RARB: variants seen among roughly 807,000 people sequenced by gnomAD.
The protein encoded by RARB is HBV-activated protein.
Under a neutral mutation model 51.9 loss-of-function variants are expected in RARB, and 17 were observed. That is an observed-to-expected ratio of 0.33 (90% CI 0.22 to 0.49). The LOEUF is 0.49. Among genes scored for constraint, RARB ranks in the 20% least tolerant of loss-of-function variants. The pLI, the probability that RARB is intolerant of heterozygous loss-of-function variation, is 0.99. For synonymous variants in RARB, 215 were observed against 195.4 expected, an observed-to-expected ratio of 1.10 and a Z score of -0.84; for missense variants, 369 against 550.8, an observed-to-expected ratio of 0.67 and a Z score of 3.30.
intron 5 of RARB, among the ~76,000 whole-genome samples, chr3:25,263,513 A>G (rs1376586808): frequency 2.0e-5 from 3 of 152,206 alleles, no homozygotes; most frequent in African/African-American, 7.2e-5. Context: ...ATGAAACTCA[A>G]TAGTCTTTAG....
chr3:25,267,086 T>C (rs777191815), intron 5 of RARB, among the ~76,000 whole-genome samples: 3 of 152,180 alleles, frequency 2.0e-5, no homozygotes, highest in Non-Finnish European at 4.4e-5. Flanking sequence ...GGCATAAATA[T>C]GTAAGAAAAC....
intron 5 of RARB, among the ~76,000 whole-genome samples, chr3:25,181,004 A>G (rs1700849430): frequency 6.6e-6 from 1 of 152,182 alleles, no homozygotes; most frequent in South Asian, 2.1e-4. Context: ...GGTAAGATCC[A>G]GGTAACCAAC....
At chr3:25,212,218 G>A (rs1302864139) in intron 5 of RARB, among the ~76,000 whole-genome samples, 4 of 152,132 alleles carry the variant, frequency 2.6e-5, no homozygotes, top group East Asian at 3.8e-4. Context: ...AAATGAAAAT[G>A]TACCTAAGTA....
chr3:25,238,233 A>G (rs1702350199), intron 5 of RARB, among the ~76,000 whole-genome samples: 1 of 151,992 alleles, frequency 6.6e-6, no homozygotes, highest in South Asian at 2.1e-4. Flanking sequence ...TAGTTCCTAC[A>G]TATGAATGAA....
At chr3:24,907,917 T>C (rs1286239822) in intron 2 of RARB, among the ~76,000 whole-genome samples, 3 of 152,064 alleles carry the variant, frequency 2.0e-5, no homozygotes, top group African/African-American at 4.8e-5. Context: ...ACGGGTCTCT[T>C]AGGGACAAGT....
At chr3:24,941,211 ATAGTGATTAT>A (rs113280993) in intron 2 of RARB, among the ~76,000 whole-genome samples, 12,995 of 152,136 alleles carry the variant, frequency 0.085, 798 homozygotes, top group East Asian at 0.18. Context: ...TCAGAAAACT[ATAGTGATTAT>A]TAGGGAAATG....
chr3:24,838,289 A>T (rs550862000), intron 1 of RARB, among the ~76,000 whole-genome samples: 1 of 152,202 alleles, frequency 6.6e-6, no homozygotes, highest in Admixed American at 6.6e-5. Flanking sequence ...TAGATAATCC[A>T]GGATAATATC....
At chr3:25,287,961 G>A (rs1025748286) in intron 5 of RARB, among the ~76,000 whole-genome samples, 1 of 152,016 alleles carries the variant, frequency 6.6e-6, no homozygotes, top group African/African-American at 2.4e-5. Context: ...TAAAGGGGAG[G>A]AGTGGAAGAA....
chr3:25,351,051 C>A (rs186112680), intron 5 of RARB, among the ~76,000 whole-genome samples: 1 of 152,142 alleles, frequency 6.6e-6, no homozygotes, highest in Non-Finnish European at 1.5e-5. Context: ...CTTTATCTAA[C>A]GTCTTAGTTT....
intron 3 of RARB, among the ~76,000 whole-genome samples, chr3:25,098,305 C>G (rs1398765943): frequency 2.0e-5 from 3 of 152,210 alleles, no homozygotes; most frequent in Non-Finnish European, 4.4e-5. Flanking sequence ...CCACTTGGCT[C>G]TCACTGGTCA....
intron 3 of RARB, among the ~76,000 whole-genome samples, chr3:25,110,963 G>T (rs556520967): frequency 6.6e-6 from 1 of 152,296 alleles, no homozygotes; most frequent in South Asian, 2.1e-4. Context: ...TACAGATCGT[G>T]TACATTTTTA....
At chr3:24,947,160 G>A (rs981413407) in intron 2 of RARB, among the ~76,000 whole-genome samples, 4 of 152,064 alleles carry the variant, frequency 2.6e-5, no homozygotes, top group Admixed American at 1.3e-4. Context: ...GAGAAACATG[G>A]GCAAATTATA....
chr3:25,289,556 G>A (rs937894057), intron 5 of RARB, among the ~76,000 whole-genome samples: 1 of 152,190 alleles, frequency 6.6e-6, no homozygotes, highest in African/African-American at 2.4e-5. Context: ...GGCAAAAGAG[G>A]ATTCTGTTCT....
chr3:25,470,104 A>C (rs1423481747), intron 2 of RARB, among the ~76,000 whole-genome samples: 1 of 152,158 alleles, frequency 6.6e-6, no homozygotes, highest in Non-Finnish European at 1.5e-5. Context: ...TTTTGAGGTA[A>C]TCTCTGCAAT....
chr3:25,005,791 G>GA, intron 2 of RARB, among the ~76,000 whole-genome samples: 1 of 152,114 alleles, frequency 6.6e-6, no homozygotes, highest in South Asian at 2.1e-4. Context: ...AGCCATCAGA[G>GA]AAAACTTTGA....
intron 5 of RARB, among the ~76,000 whole-genome samples, chr3:25,267,355 T>G (rs1184712676): frequency 6.6e-6 from 1 of 152,200 alleles, no homozygotes; most frequent in African/African-American, 2.4e-5. Context: ...AAGGCCTCTC[T>G]TAGAGGCCAA....
chr3:25,384,340 A>C lies in RARB; in HGVS notation c.179-76853A>C, dbSNP rs77641415. Among the ~76,000 whole-genome samples, 157 of 151,986 alleles carry C rather than the reference A, an allele frequency of 1.0e-3. 1 individual carries two copies. In the East Asian group the frequency reaches 0.024, roughly 23 times the overall value. ...TCCCTCTCTCCTAAGAGCAAGCTTTATTTATTGTTGTTATTTCCTATTAAC... is the reference window on the plus strand; with the variant it reads ...TCCCTCTCTCCTAAGAGCAAGCTTTCTTTATTGTTGTTATTTCCTATTAAC... On this transcript the variant is annotated intron_variant, in intron 5 of 11. Transcript: ENST00000383772.
Position 24,963,165 on chromosome 3 carries a change from T to C in RARB, c.-379-96960T>C, listed in dbSNP as rs186666597. ...ACTGATTTGGTTTTGATGATGATCTTTGTTTTTTAAAAGCTAGTTACATAT... is the reference window on the plus strand; with the variant it reads ...ACTGATTTGGTTTTGATGATGATCTCTGTTTTTTAAAAGCTAGTTACATAT... On this transcript the variant is annotated intron_variant, in intron 2 of 11. Transcript: ENST00000383772. Among the ~76,000 whole-genome samples the C allele has an allele frequency of 5.3e-5, 8 of 152,236 alleles. No individual in the cohort carries two copies. In the East Asian group the frequency reaches 1.4e-3, roughly 26 times the overall value.
chr3:25,587,500 A>T (rs1559481293), intron 5 of RARB, among the ~76,000 whole-genome samples: 1 of 152,260 alleles, frequency 6.6e-6, no homozygotes, highest in Non-Finnish European at 1.5e-5. Flanking sequence ...GATTATTAAA[A>T]TAATTCCATC....
Sources: gnomAD v4.1 joint callset for allele counts (sites outside exome capture counted in the v4.1 genomes callset) on GRCh38, gnomAD v4.1.1 for gene constraint, MANE v1.5 for transcripts, NCBI Gene and HGNC (gene_info 2026-07-23, HGNC 2026-07-21) for gene names.